PRKCA: variants seen among roughly 807,000 people sequenced by gnomAD.
The protein encoded by PRKCA is protein kinase C alpha, also known as protein kinase C alpha type.
PRKCA carries 27 observed loss-of-function variants against 87.0 expected under a neutral mutation model. The observed-to-expected ratio is 0.31, with a 90% CI of 0.23 to 0.43. The LOEUF (loss-of-function observed/expected upper bound fraction) is 0.43, where lower values mean the gene tolerates loss of function less well. Among genes scored for constraint, PRKCA ranks in the 20% least tolerant of loss-of-function variants. The pLI is 1.00. For missense variants in PRKCA, 518 were observed against 852.3 expected (o/e 0.61, Z 4.88); for synonymous variants, 329 against 311.1 (o/e 1.06, Z -0.61).
intron 8 of PRKCA, among the ~76,000 whole-genome samples, chr17:66,707,995 A>C (rs1973231252): frequency 6.6e-6 from 1 of 152,192 alleles, no homozygotes; most frequent in Non-Finnish European, 1.5e-5. Context: ...TCAAAATCAC[A>C]GCTCCCTACA....
chr17:66,799,984 C>T (rs941819500), intron 16 of PRKCA, among the ~76,000 whole-genome samples: 5 of 152,084 alleles, frequency 3.3e-5, no homozygotes, highest in African/African-American at 7.2e-5. Context: ...TCCTGAGTCT[C>T]GTAGCTGATC....
intron 2 of PRKCA, among the ~76,000 whole-genome samples, chr17:66,325,557 C>T (rs1905930982): frequency 6.6e-6 from 1 of 152,160 alleles, no homozygotes; most frequent in South Asian, 2.1e-4. Flanking sequence ...GGGATCCTCA[C>T]CCCAGCAATG....
intron 3 of PRKCA, among the ~76,000 whole-genome samples, chr17:66,519,210 A>G (rs369410202): frequency 4.6e-5 from 7 of 152,196 alleles, no homozygotes; most frequent in African/African-American, 1.7e-4. Context: ...TGTTGAGTGA[A>G]TCCAGGAAAG....
At chr17:66,351,277 A>G (rs564805428) in intron 2 of PRKCA, among the ~76,000 whole-genome samples, 3 of 152,370 alleles carry the variant, frequency 2.0e-5, no homozygotes, top group African/African-American at 7.2e-5. Context: ...GCGCGTGCCA[A>G]CTGACAGGGC....
intron 8 of PRKCA, among the ~76,000 whole-genome samples, chr17:66,720,357 T>C (rs75615630): frequency 0.15 from 22,584 of 152,244 alleles, 1,919 homozygotes; most frequent in Middle Eastern, 0.23. Flanking sequence ...CTAACTGTGC[T>C]ACCCAGGAGG....
chr17:66,786,726 A>C (rs952924986), intron 14 of PRKCA, 141 bp from the exon 15 acceptor site: 1 of 619,286 alleles, frequency 1.6e-6, no homozygotes, highest in Non-Finnish European at 2.9e-6. Context: ...TAAACCGTCA[A>C]GTTAGCTGAG....
In PRKCA at chr17:66,562,152, AATTATATATATAATTAAAT is replaced by A. The variant is rs1416210518; in HGVS notation, c.288+65872_288+65890del. ...TATAATTAAATTATATATATAATTA[AATTATATATATAATTAAAT>A]ATATATAATTAAGTTATATATAAAA... On this transcript the variant is annotated intron_variant, in intron 3 of 16. Transcript: ENST00000413366. 4.0e-4 allele frequency among the ~76,000 whole-genome samples: 21 copies of A among 52,048 alleles called. 2 individuals carry two copies. In the Middle Eastern group the frequency reaches 0.028, roughly 69 times the overall value. 34.1% of individuals were successfully genotyped at this position (52,048 alleles called of 152,430 possible).
chr17:66,677,742 G>A (rs1421680700), intron 5 of PRKCA, among the ~76,000 whole-genome samples: 1 of 152,188 alleles, frequency 6.6e-6, no homozygotes, highest in Non-Finnish European at 1.5e-5. Flanking sequence ...GGGCATCTGA[G>A]TCATTATTTC....
At position 66,645,456 on chromosome 17, in the gene PRKCA, G is replaced by A; in HGVS notation, c.474G>A (p.Lys158=). 2.5e-6 allele frequency: 4 copies of A among 1,614,236 alleles called. No homozygotes were observed. Among genetic ancestry groups the A allele is most frequent in the Non-Finnish European group, 3.4e-6 (4 of 1,180,038 alleles). The change falls in exon 5 of 17, where the codon AAG becomes AAA. Residue 158 remains lysine (K), a synonymous_variant. Transcript: ENST00000413366. ...TCTGCGGAATGGATCACACTGAGAA[G>A]AGGGGGCGGATTTACCTAAAGGCTG... is the stretch of plus-strand genomic sequence containing the variant. ...PSLCGMDHTE[K]RGRIYLKAEV... is the part of the protein sequence containing the mutation.
chr17:66,314,909 G>GT (rs1027258848), intron 2 of PRKCA, among the ~76,000 whole-genome samples: 1 of 150,194 alleles, frequency 6.7e-6, no homozygotes, highest in African/African-American at 2.4e-5. Context: ...GTGTATGTAT[G>GT]TATGTGTATA....
intron 5 of PRKCA, among the ~76,000 whole-genome samples, chr17:66,683,902 C>T (rs1972557475): frequency 6.6e-6 from 1 of 152,108 alleles, no homozygotes; most frequent in Admixed American, 6.5e-5. Flanking sequence ...ACATCTTTCC[C>T]TTGTTTCTCT....
chr17:66,680,710 C>T (rs1216521255), intron 5 of PRKCA, among the ~76,000 whole-genome samples: 1 of 152,116 alleles, frequency 6.6e-6, no homozygotes, highest in Admixed American at 6.5e-5. Flanking sequence ...GTGGATGAAT[C>T]CTTCAGAACC....
At chr17:66,457,222 A>T (rs1567839019) in intron 2 of PRKCA, among the ~76,000 whole-genome samples, 2 of 152,244 alleles carry the variant, frequency 1.3e-5, no homozygotes, top group East Asian at 3.9e-4. Flanking sequence ...AAGAGTTCTT[A>T]ACTGAGTATT....
intron 5 of PRKCA, among the ~76,000 whole-genome samples, chr17:66,675,987 G>A (rs956172160): frequency 2.6e-5 from 4 of 152,090 alleles, no homozygotes; most frequent in East Asian, 1.9e-4. Context: ...GACCGCCCCC[G>A]GAACATCACG....
intron 3 of PRKCA, among the ~76,000 whole-genome samples, chr17:66,633,271 A>T (rs2143757964): frequency 6.6e-6 from 1 of 152,294 alleles, no homozygotes; most frequent in Non-Finnish European, 1.5e-5. Context: ...ATGTTAACCA[A>T]AAAAATTTTA....
In PRKCA at chr17:66,424,763, T is replaced by A. The variant is rs555716242; in HGVS notation, c.206-71438T>A. On this transcript the variant is annotated intron_variant, in intron 2 of 16. Coordinates refer to ENST00000413366, the MANE Select transcript of PRKCA (RefSeq NM_002737.3). ...TGTTCCCCCCACCCCCACCGCCTTTTTTTTGTGACAGAGTCTTGCTGTGAC... is the reference window on the plus strand; with the variant it reads ...TGTTCCCCCCACCCCCACCGCCTTTATTTTGTGACAGAGTCTTGCTGTGAC... Among the ~76,000 whole-genome samples the A allele has an allele frequency of 4.0e-5, 6 of 151,792 alleles. No homozygotes were observed. In the South Asian group the frequency reaches 8.4e-4, roughly 21 times the overall value.
intron 3 of PRKCA, among the ~76,000 whole-genome samples, chr17:66,582,707 A>G (rs529345104): frequency 5.3e-5 from 8 of 152,242 alleles, no homozygotes; most frequent in Admixed American, 5.2e-4. Context: ...CTAGGCCTGT[A>G]GTTTGTGTAG....
intron 2 of PRKCA, among the ~76,000 whole-genome samples, chr17:66,349,500 A>G (rs1907605307): frequency 6.6e-6 from 1 of 152,126 alleles, no homozygotes. Context: ...AGAAACCATC[A>G]CACCCTTGTT....
chr17:66,388,100 G>A (rs7218479), intron 2 of PRKCA, among the ~76,000 whole-genome samples: 122,805 of 151,914 alleles, frequency 0.81, 49,889 homozygotes, highest in South Asian at 0.87. Context: ...GGAGGAAACC[G>A]TAGATAGATC....
Sources: allele counts gnomAD v4.1 joint callset (sites outside exome capture counted in the v4.1 genomes callset), GRCh38; gene constraint gnomAD v4.1.1; transcripts MANE v1.5; gene names NCBI Gene and HGNC (gene_info 2026-07-23, HGNC 2026-07-21).